Variants in DECR1 observed in about 807,000 individuals in gnomAD.
DECR1 encodes the protein 2,4-dienoyl-CoA reductase [(3E)-enoyl-CoA-producing], mitochondrial.
A neutral mutation model predicts 38.8 loss-of-function variants in DECR1; 44 were observed. That is an observed-to-expected ratio of 1.13 (90% CI 0.89 to 1.46). The LOEUF is 1.46. Ranked by LOEUF, DECR1 falls within the 40% of genes most tolerant of loss-of-function variation. The pLI is 0.00. For synonymous variants in DECR1, 148 were observed against 135.2 expected (o/e 1.09, Z -0.66); for missense variants, 428 against 405.5 (o/e 1.06, Z -0.48).
rs1039122079 is a variant in DECR1 at position 90,042,445 on chromosome 8, G to A, written c.666-283G>A. Reference sequence around the variant, plus strand: ...GTAGGTGGTGTAGCATAGTGGTTAAGGACACTAAAATGTAAAGGTTAGGTT... The same window carrying A: ...GTAGGTGGTGTAGCATAGTGGTTAAAGACACTAAAATGTAAAGGTTAGGTT... On this transcript the variant is annotated intron_variant, in intron 6 of 9. Transcript: ENST00000220764. 2.9e-5 allele frequency: 11 copies of A among 372,930 alleles called. No individual in the cohort carries two copies. The Admixed American group carries it at 3.3e-4, about 11-fold the overall frequency. The allele number at this position is 372,930 out of a possible 1,614,324, so 23.1% of individuals were successfully genotyped here.
At chr8:90,009,232 C>A (rs896922697) in intron 1 of DECR1, among the ~76,000 whole-genome samples, 3 of 152,174 alleles carry the variant, frequency 2.0e-5, no homozygotes, top group Non-Finnish European at 4.4e-5. Flanking sequence ...CATCCATAAG[C>A]ATGCCCCCTG....
At chr8:90,042,893 G>A in intron 7 of DECR1, 93 bp downstream of exon 7, 1 of 1,069,476 alleles carries the variant, frequency 9.4e-7, no homozygotes, top group Non-Finnish European at 1.4e-6. Flanking sequence ...GGACTTTCCA[G>A]AGATGCCTAG....
At chr8:90,006,120 G>A in intron 1 of DECR1, 1 of 679,274 alleles carries the variant, frequency 1.5e-6, no homozygotes, top group South Asian at 1.6e-5. Context: ...CAACATTGGG[G>A]ATCACATTTC....
chr8:90,020,352 T>C (rs940951847), intron 4 of DECR1, among the ~76,000 whole-genome samples: 2 of 152,218 alleles, frequency 1.3e-5, no homozygotes, highest in South Asian at 2.1e-4. Flanking sequence ...TAAATATGTT[T>C]AATCTGTATT....
Position 90,044,941 on chromosome 8 carries a change from C to A in DECR1, c.831C>A (p.Leu277=), listed in dbSNP as rs776269139. The A allele has an allele frequency of 1.2e-6, 2 of 1,613,586 alleles. No homozygotes were observed. Among genetic ancestry groups the A allele is most frequent in the Non-Finnish European group, 1.7e-6 (2 of 1,179,768 alleles). The change falls in exon 8 of 10, where the codon CTC becomes CTA. Residue 277 remains leucine, a synonymous_variant. Transcript: ENST00000220764. ...PCGRLGTVEE[L]ANLAAFLCSD... is the part of the protein sequence containing the mutation. Reference sequence around the variant, plus strand: ...GTCGCCTGGGGACTGTAGAAGAACTCGCAAATCTTGCTGCTTTCCTTTGTA... The same window carrying A: ...GTCGCCTGGGGACTGTAGAAGAACTAGCAAATCTTGCTGCTTTCCTTTGTA...
chr8:90,049,988 A>C (rs1028891403), intron 8 of DECR1, among the ~76,000 whole-genome samples: 2 of 152,258 alleles, frequency 1.3e-5, no homozygotes, highest in Admixed American at 6.5e-5. Flanking sequence ...AGAAAGCTGA[A>C]ACTGGATGCC....
chr8:90,014,067 AG>A (rs1195644253), intron 1 of DECR1, among the ~76,000 whole-genome samples: 1 of 152,220 alleles, frequency 6.6e-6, no homozygotes, highest in Non-Finnish European at 1.5e-5. Flanking sequence ...GTATTGCCAA[AG>A]TTGGAAGACT....
rs780743047 is a variant in DECR1 at position 90,020,944 on chromosome 8, T to A, written c.453T>A (p.Ser151=). ...VINNAAGNFI[S]PTERLSPNAW... ...ACAATGCAGCAGGGAATTTTATTTCTCCTACTGAAAGACTTTCTCCTAATG... is the reference window on the plus strand; with the variant it reads ...ACAATGCAGCAGGGAATTTTATTTCACCTACTGAAAGACTTTCTCCTAATG... The change falls in exon 5 of 10, where the codon TCT becomes TCA. Residue 151 remains serine, a synonymous_variant. Coordinates refer to ENST00000220764, the MANE Select transcript of DECR1 (RefSeq NM_001359.2). 6.3e-7 allele frequency: 1 copy of A among 1,586,422 alleles called. No individual in the cohort carries two copies. Among genetic ancestry groups the A allele is most frequent in the Non-Finnish European group, 8.6e-7 (1 of 1,169,478 alleles).
At chr8:90,019,054 G>GA (rs1306117485) in intron 3 of DECR1, 32 bp from the exon 4 acceptor site, 2 of 1,608,384 alleles carry the variant, frequency 1.2e-6, no homozygotes, top group Non-Finnish European at 1.7e-6. Flanking sequence ...AAGAAAGCTG[G>GA]AAAATGTCAT....
Position 90,051,863 on chromosome 8 carries a change from TAGAA to T in DECR1, c.975_978del (p.Ile325MetfsTer43), listed in dbSNP as rs756538937. ...GTCACCAAGGAGCAGTGGGACACCATAGAAGAACTCATCAGGAAGACAAAAGGTT... is the reference window on the plus strand; with the variant it reads ...GTCACCAAGGAGCAGTGGGACACCATGAACTCATCAGGAAGACAAAAGGTT... On this transcript the variant is annotated frameshift_variant, in exon 10 of 10. Transcript: ENST00000220764. LOFTEE classifies it high-confidence loss of function. 6.2e-7 allele frequency: 1 copy of T among 1,613,884 alleles called. No homozygotes were observed. Among genetic ancestry groups the T allele is most frequent in the East Asian group, 2.2e-5 (1 of 44,824 alleles).
rs545984860 is a variant in DECR1, at chr8:90,016,516, C to A, written c.70-608C>A. ...CGGCGTGGTGGTGTGTGCCTGTAAT[C>A]CCAGCTACTCTACTCGGGAGGCTGA... On this transcript the variant is annotated intron_variant, in intron 1 of 9. Transcript: ENST00000220764. 2.6e-4 allele frequency among the ~76,000 whole-genome samples: 39 copies of A among 152,066 alleles called. 1 individual carries two copies. Among genetic ancestry groups the A allele is most frequent in the Admixed American group, 2.3e-3 (35 of 15,264 alleles).
chr8:90,048,249 GT>G (rs1273285638), intron 8 of DECR1, among the ~76,000 whole-genome samples: 3 of 151,740 alleles, frequency 2.0e-5, no homozygotes, highest in African/African-American at 7.2e-5. Context: ...TCCAGGAGCT[GT>G]TTTTTTTGAA....
intron 6 of DECR1, 111 bp downstream of exon 6, chr8:90,037,051 T>A (rs1813635279): frequency 1.4e-6 from 1 of 722,202 alleles, no homozygotes; most frequent in Non-Finnish European, 2.4e-6. Flanking sequence ...AAACAAAGAC[T>A]TGGATTCACC....
At chr8:90,032,180 C>A (rs7845155) in intron 5 of DECR1, among the ~76,000 whole-genome samples, 3 of 151,878 alleles carry the variant, frequency 2.0e-5, no homozygotes, top group Non-Finnish European at 4.4e-5. Context: ...TCATTTAGGT[C>A]GTTGGAAGAA....
chr8:90,006,732 G>A (rs1380134742), intron 1 of DECR1, among the ~76,000 whole-genome samples: 2 of 152,178 alleles, frequency 1.3e-5, no homozygotes, highest in African/African-American at 2.4e-5. Flanking sequence ...GCAGAAATAC[G>A]ATATCATCAG....
chr8:90,006,134 A>C lies in DECR1; in HGVS notation c.69+4573A>C, dbSNP rs923844441. On this transcript the variant is annotated intron_variant, in intron 1 of 9. Coordinates refer to ENST00000220764, the MANE Select transcript of DECR1 (RefSeq NM_001359.2). ...CCAACATTGGGGATCACATTTCAAC[A>C]TGAGTTTTCAAGGGACAAACATCCA... is the stretch of plus-strand genomic sequence containing the variant. 8 of 692,006 alleles carry C rather than the reference A, an allele frequency of 1.2e-5. No homozygotes were observed. In the African/African-American group the frequency reaches 1.4e-4, roughly 12 times the overall value. The allele number at this position is 692,006 out of a possible 1,614,324, so 42.9% of individuals were successfully genotyped here.
chr8:90,035,479 A>G (rs1014574279), intron 5 of DECR1, among the ~76,000 whole-genome samples: 3 of 150,246 alleles, frequency 2.0e-5, no homozygotes, highest in East Asian at 2.0e-4. Flanking sequence ...TATTTGTTCA[A>G]TTTTTCCTTT....
intron 1 of DECR1, among the ~76,000 whole-genome samples, chr8:90,013,215 A>C (rs1242326995): frequency 1.3e-5 from 2 of 152,184 alleles, no homozygotes; most frequent in Non-Finnish European, 2.9e-5. Flanking sequence ...AAGTGCTCAA[A>C]AGATAACTCA....
chr8:90,029,817 G>C (rs557108945), intron 5 of DECR1, among the ~76,000 whole-genome samples: 1 of 152,152 alleles, frequency 6.6e-6, no homozygotes, highest in East Asian at 1.9e-4. Context: ...AGCCTGTCCA[G>C]TCTCTATACT....
Sources: gnomAD v4.1 joint callset for allele counts (sites outside exome capture counted in the v4.1 genomes callset) on GRCh38, gnomAD v4.1.1 for gene constraint, MANE v1.5 for transcripts, NCBI Gene and HGNC (gene_info 2026-07-23, HGNC 2026-07-21) for gene names.